Variants in PDE1C observed in about 807,000 individuals in gnomAD.
The protein encoded by PDE1C is phosphodiesterase 1C, also known as dual specificity calcium/calmodulin-dependent 3',5'-cyclic nucleotide phosphodiesterase 1C.
PDE1C carries 62 observed loss-of-function variants against 93.1 expected under a neutral mutation model. That is an observed-to-expected ratio of 0.67 (90% confidence interval 0.54 to 0.82). PDE1C has a LOEUF of 0.82. Ranked by LOEUF, PDE1C falls within the 40% of genes least tolerant of loss-of-function variation. The pLI is 0.00. For synonymous variants in PDE1C, 325 were observed against 310.1 expected (o/e 1.05, Z -0.50); for missense variants, 742 against 884.6 (o/e 0.84, Z 2.04).
At chr7:32,268,160 T>C (rs1810739179) in intron 1 of PDE1C, among the ~76,000 whole-genome samples, 1 of 152,230 alleles carries the variant, frequency 6.6e-6, no homozygotes, top group African/African-American at 2.4e-5. Flanking sequence ...TAAGTCCTGA[T>C]GTCAGGAATT....
At chr7:32,272,083 G>C (rs770632825) in intron 1 of PDE1C, among the ~76,000 whole-genome samples, 1 of 152,194 alleles carries the variant, frequency 6.6e-6, no homozygotes, top group South Asian at 2.1e-4. Flanking sequence ...AACTTGGGTC[G>C]GTAGATTGGA....
intron 1 of PDE1C, among the ~76,000 whole-genome samples, chr7:32,365,855 C>A (rs147294250): frequency 6.6e-6 from 1 of 152,106 alleles, no homozygotes; most frequent in Non-Finnish European, 1.5e-5. Flanking sequence ...AGAGATTACA[C>A]GACTGTGTCC....
At chr7:31,773,996 G>A (rs6965818) in intron 17 of PDE1C, among the ~76,000 whole-genome samples, 1 of 152,022 alleles carries the variant, frequency 6.6e-6, no homozygotes, top group Non-Finnish European at 1.5e-5. Flanking sequence ...AAAGTTCAAG[G>A]GTTATTCGGC....
At chr7:32,125,037 C>T (rs1475876581) in intron 3 of PDE1C, among the ~76,000 whole-genome samples, 1 of 151,884 alleles carries the variant, frequency 6.6e-6, no homozygotes, top group African/African-American at 2.4e-5. Context: ...AAAAAGCAAC[C>T]CCATCAAAAA....
At chr7:32,026,241 C>T (rs1789421221) in intron 2 of PDE1C, among the ~76,000 whole-genome samples, 1 of 152,092 alleles carries the variant, frequency 6.6e-6, no homozygotes, top group Non-Finnish European at 1.5e-5. Context: ...TCTTTGGTTG[C>T]CAGCCCCACA....
At chr7:32,179,608 G>A (rs187740173) in intron 2 of PDE1C, among the ~76,000 whole-genome samples, 30 of 152,184 alleles carry the variant, frequency 2.0e-4, no homozygotes, top group Admixed American at 2.0e-3. Context: ...TGCAGGGGAG[G>A]ATAAATAATG....
intron 2 of PDE1C, among the ~76,000 whole-genome samples, chr7:31,882,584 C>A (rs1415253170): frequency 6.6e-6 from 1 of 152,132 alleles, no homozygotes; most frequent in East Asian, 1.9e-4. Flanking sequence ...TTAAACTTTT[C>A]AAAGTTTAGT....
chr7:31,994,230 A>G (rs1784464446), intron 2 of PDE1C, among the ~76,000 whole-genome samples: 1 of 152,036 alleles, frequency 6.6e-6, no homozygotes, highest in South Asian at 2.1e-4. Flanking sequence ...TAAGCCCCCA[A>G]ATTTCCTTAT....
chr7:32,343,312 A>T (rs1382910460), intron 1 of PDE1C, among the ~76,000 whole-genome samples: 1 of 152,198 alleles, frequency 6.6e-6, no homozygotes, highest in African/African-American at 2.4e-5. Flanking sequence ...GCTTGAAATG[A>T]TTGATAGTAT....
At chr7:31,912,691 A>T (rs918740662) in intron 2 of PDE1C, among the ~76,000 whole-genome samples, 39 of 151,876 alleles carry the variant, frequency 2.6e-4, no homozygotes, top group East Asian at 1.9e-4. Context: ...TGTCTCAAAA[A>T]ATATATATAT....
chr7:31,833,946 T>A (rs1010099866), intron 11 of PDE1C, among the ~76,000 whole-genome samples: 6 of 152,256 alleles, frequency 3.9e-5, no homozygotes. Context: ...GAGGAAAAGA[T>A]GGTTTTGTGG....
At chr7:31,971,437 C>A (rs943702605) in intron 2 of PDE1C, among the ~76,000 whole-genome samples, 2 of 152,150 alleles carry the variant, frequency 1.3e-5, no homozygotes, top group African/African-American at 2.4e-5. Context: ...AGCTCAGTTT[C>A]CTCATCAATC....
the PDE1C span, among the ~76,000 whole-genome samples, chr7:31,742,095 T>C: frequency 6.6e-6 from 1 of 152,198 alleles, no homozygotes; most frequent in South Asian, 2.1e-4. Flanking sequence ...GAATCAGTGG[T>C]ATTCTAGATC....
the PDE1C span, among the ~76,000 whole-genome samples, chr7:31,733,160 A>G: frequency 6.6e-6 from 1 of 152,168 alleles, no homozygotes; most frequent in Admixed American, 6.5e-5. Context: ...TACCTCTCAA[A>G]TGGATAGAGA....
intron 1 of PDE1C, among the ~76,000 whole-genome samples, chr7:32,418,849 T>C (rs565575904): frequency 1.3e-5 from 2 of 152,180 alleles, no homozygotes; most frequent in East Asian, 1.9e-4. Flanking sequence ...CAAAGCAGCA[T>C]GTAAATGAGG....
chr7:32,242,021 A>G (rs1466929403), intron 1 of PDE1C, among the ~76,000 whole-genome samples: 1 of 152,192 alleles, frequency 6.6e-6, no homozygotes, highest in Non-Finnish European at 1.5e-5. Context: ...TTTTGAGAAT[A>G]TAAAATAGTT....
chr7:32,387,668 CG>C (rs1784661260), intron 1 of PDE1C, among the ~76,000 whole-genome samples: 4 of 145,610 alleles, frequency 2.7e-5, no homozygotes, highest in African/African-American at 1.0e-4. Context: ...GGCGGCTGGC[CG>C]GGCGGGGGGC....
chr7:32,144,711 C>T (rs752531865), intron 3 of PDE1C, among the ~76,000 whole-genome samples: 2 of 152,112 alleles, frequency 1.3e-5, no homozygotes, highest in Non-Finnish European at 2.9e-5. Flanking sequence ...GGTGAGAGGG[C>T]GGGAGCAAAA....
chr7:31,996,368 G>T (rs1201548500), intron 2 of PDE1C, among the ~76,000 whole-genome samples: 1 of 152,092 alleles, frequency 6.6e-6, no homozygotes, highest in Admixed American at 6.6e-5. Flanking sequence ...AAATTTCAAG[G>T]CAGCAGCTCT....
Sources: allele counts gnomAD v4.1 joint callset (sites outside exome capture counted in the v4.1 genomes callset), GRCh38; gene constraint gnomAD v4.1.1; transcripts MANE v1.5; gene names NCBI Gene and HGNC (gene_info 2026-07-23, HGNC 2026-07-21).